The following SGCD variants were observed in gnomAD, a reference collection of about 807,000 sequenced individuals.
The protein encoded by SGCD is sarcoglycan delta.
SGCD carries 18 observed loss-of-function variants against 36.6 expected under a neutral mutation model. The ratio of observed to expected loss-of-function variants is 0.49; its 90% confidence interval spans 0.34 to 0.73. SGCD has a LOEUF of 0.73. Ranked by LOEUF, SGCD falls within the 30% of genes least tolerant of loss-of-function variation. The pLI is 0.01. For synonymous variants in SGCD, 133 were observed against 130.6 expected (o/e 1.02, Z -0.12); for missense variants, 387 against 346.7 (o/e 1.12, Z -0.92).
chr5:156,675,755 G>A (rs186964131), intron 7 of SGCD, among the ~76,000 whole-genome samples: 10 of 152,286 alleles, frequency 6.6e-5, no homozygotes, highest in Admixed American at 1.3e-4. Flanking sequence ...TATGGTGAGA[G>A]ACAGGGTGGC....
intron 7 of SGCD, among the ~76,000 whole-genome samples, chr5:156,723,265 C>T (rs757887113): frequency 6.6e-6 from 1 of 152,216 alleles, no homozygotes; most frequent in African/African-American, 2.4e-5. Flanking sequence ...CTGTCACCTC[C>T]ATCCTGCTCC....
intron 1 of SGCD, among the ~76,000 whole-genome samples, chr5:156,003,462 C>T (rs1758701707): frequency 6.6e-6 from 1 of 152,160 alleles, no homozygotes; most frequent in Non-Finnish European, 1.5e-5. Context: ...TTTTCAAATG[C>T]TTTCTCACTC....
At chr5:155,907,629 A>G (rs1170307915) in intron 1 of SGCD, among the ~76,000 whole-genome samples, 3 of 152,126 alleles carry the variant, frequency 2.0e-5, no homozygotes, top group African/African-American at 7.2e-5. Context: ...AACTAGAATG[A>G]AAAATGTAGC....
the SGCD span, among the ~76,000 whole-genome samples, chr5:155,755,533 G>A: frequency 2.0e-5 from 3 of 152,156 alleles, no homozygotes; most frequent in African/African-American, 7.2e-5. Context: ...ATAGCTGAAG[G>A]TTTTCTCTCT....
At chr5:155,786,686 A>G in the SGCD span, among the ~76,000 whole-genome samples, 2 of 152,134 alleles carry the variant, frequency 1.3e-5, no homozygotes, top group Non-Finnish European at 2.9e-5. Flanking sequence ...CCACACACCT[A>G]AAGAGAGAAC....
At chr5:155,754,864 C>T in the SGCD span, among the ~76,000 whole-genome samples, 1 of 152,044 alleles carries the variant, frequency 6.6e-6, no homozygotes, top group African/African-American at 2.4e-5. Context: ...TATTTCTAAC[C>T]TCTGTTTAAA....
At chr5:156,499,534 G>A (rs256821) in intron 3 of SGCD, among the ~76,000 whole-genome samples, 87,791 of 151,994 alleles carry the variant, frequency 0.58, 25,536 homozygotes, top group African/African-American at 0.61. Context: ...AAAATCCCAT[G>A]TGACCCAGAA....
chr5:156,469,951 G>C (rs1754882668), intron 3 of SGCD, among the ~76,000 whole-genome samples: 1 of 152,184 alleles, frequency 6.6e-6, no homozygotes, highest in South Asian at 2.1e-4. Context: ...AGTCTCCAAA[G>C]TTCACACTGG....
chr5:155,760,215 CTCTCCATCACCCTGTCCATCATCA>C, the SGCD span, among the ~76,000 whole-genome samples: 1 of 151,154 alleles, frequency 6.6e-6, no homozygotes, highest in Non-Finnish European at 1.5e-5. Flanking sequence ...CACCAACACC[CTCTCCATCACCCTGTCCATCATCA>C]TCTCCATCAC....
chr5:156,324,380 A>AAAT (rs1445536809), upstream of SGCD, among the ~76,000 whole-genome samples: 2 of 152,380 alleles, frequency 1.3e-5, no homozygotes, highest in African/African-American at 4.8e-5. Context: ...TATCTTCAAC[A>AAAT]AATGACATTC....
At chr5:155,744,530 A>G in the SGCD span, among the ~76,000 whole-genome samples, 1 of 152,206 alleles carries the variant, frequency 6.6e-6, no homozygotes, top group Non-Finnish European at 1.5e-5. Context: ...AAATATGACC[A>G]TACAATAAAA....
At chr5:156,324,542 C>A (rs1395982580), upstream of SGCD, among the ~76,000 whole-genome samples, 1 of 152,086 alleles carries the variant, frequency 6.6e-6, no homozygotes. Flanking sequence ...TTCTAGCTAG[C>A]AGTTATAAAG....
At chr5:156,461,763 G>T (rs975405214) in intron 3 of SGCD, among the ~76,000 whole-genome samples, 2 of 152,070 alleles carry the variant, frequency 1.3e-5, no homozygotes, top group African/African-American at 4.8e-5. Context: ...TTAGGAGGGA[G>T]ATATGAAGTA....
chr5:156,078,696 G>GTA (rs930179041), intron 1 of SGCD, among the ~76,000 whole-genome samples: 49 of 147,948 alleles, frequency 3.3e-4, no homozygotes, highest in Middle Eastern at 3.6e-3. Flanking sequence ...GTGTGTGTAT[G>GTA]TATATATATA....
chr5:156,021,915 A>G (rs1470622971), intron 1 of SGCD, among the ~76,000 whole-genome samples: 2 of 152,318 alleles, frequency 1.3e-5, no homozygotes, highest in Non-Finnish European at 2.9e-5. Flanking sequence ...TCATCCATTT[A>G]AAGTGTATAA....
At chr5:156,476,293 T>C (rs925970279) in intron 3 of SGCD, among the ~76,000 whole-genome samples, 22 of 151,818 alleles carry the variant, frequency 1.4e-4, no homozygotes, top group Middle Eastern at 3.4e-3. Context: ...TCTGAAAAAA[T>C]TAGTAAAATC....
the SGCD span, among the ~76,000 whole-genome samples, chr5:155,744,769 T>C: frequency 2.0e-4 from 31 of 152,194 alleles, 1 homozygote; most frequent in South Asian, 5.0e-3. Flanking sequence ...AACTGAAAAG[T>C]TTGTTCGATG....
At chr5:156,476,564 A>G (rs1006099286) in intron 3 of SGCD, among the ~76,000 whole-genome samples, 1 of 152,260 alleles carries the variant, frequency 6.6e-6, no homozygotes, top group African/African-American at 2.4e-5. Flanking sequence ...TAAATTGTGA[A>G]ATCAGGGCAT....
intron 3 of SGCD, among the ~76,000 whole-genome samples, chr5:156,374,193 G>A (rs1478184599): frequency 2.7e-5 from 4 of 150,654 alleles, no homozygotes; most frequent in African/African-American, 9.8e-5. Flanking sequence ...TGTTAAAATT[G>A]CTCATTTCAC....
Sources: allele counts gnomAD v4.1 joint callset (sites outside exome capture counted in the v4.1 genomes callset), GRCh38; gene constraint gnomAD v4.1.1; transcripts MANE v1.5; gene names NCBI Gene and HGNC (gene_info 2026-07-23, HGNC 2026-07-21).